Variants in KDM3A observed in about 807,000 individuals in gnomAD.
The protein encoded by KDM3A is lysine demethylase 3A.
KDM3A carries 60 observed loss-of-function variants against 158.0 expected under a neutral mutation model. The ratio of observed to expected loss-of-function variants is 0.38; its 90% CI spans 0.31 to 0.47. The LOEUF (loss-of-function observed/expected upper bound fraction) is 0.47, where lower values mean the gene tolerates loss of function less well. KDM3A is among the 20% of genes least tolerant of loss of function. The probability of loss-of-function intolerance (pLI) is 0.99; values close to 1 mark genes in which losing one functional copy is unlikely to be tolerated. For synonymous variants in KDM3A, 608 were observed against 549.3 expected, an observed-to-expected ratio of 1.11 and a Z score of -1.49; for missense variants, 1,319 against 1,574.3, an observed-to-expected ratio of 0.84 and a Z score of 2.74.
At chr2:86,471,191 A>G (rs763910219) in intron 11 of KDM3A, among the ~76,000 whole-genome samples, 6 of 151,700 alleles carry the variant, frequency 4.0e-5, no homozygotes, top group Admixed American at 3.3e-4. Flanking sequence ...ATCTTTTCCA[A>G]TTTTATAGGC....
intron 4 of KDM3A, among the ~76,000 whole-genome samples, chr2:86,452,070 T>G (rs1672494989): frequency 6.6e-6 from 1 of 152,168 alleles, no homozygotes; most frequent in Non-Finnish European, 1.5e-5. Flanking sequence ...CTGCAAATAA[T>G]TTGAGTTGCA....
chr2:86,450,552 G>A (rs959113895), intron 3 of KDM3A, among the ~76,000 whole-genome samples: 1 of 152,184 alleles, frequency 6.6e-6, no homozygotes, highest in African/African-American at 2.4e-5. Context: ...AGAAGAGTGA[G>A]CGCTGTCTGG....
intron 4 of KDM3A, 134 bp downstream of exon 4, chr2:86,451,347 A>G: frequency 3.8e-6 from 2 of 528,504 alleles, no homozygotes; most frequent in Non-Finnish European, 3.3e-6. Flanking sequence ...AAACATCTAC[A>G]TATAACTTTG....
intron 15 of KDM3A, chr2:86,479,378 A>C (rs1315179493): frequency 1.3e-5 from 2 of 152,140 alleles, no homozygotes; most frequent in Admixed American, 1.3e-4. Context: ...GGAGAGCAGA[A>C]GACTTGTAAT....
chr2:86,438,193 T>A (rs1433134123), upstream of KDM3A, among the ~76,000 whole-genome samples: 1 of 152,164 alleles, frequency 6.6e-6, no homozygotes, highest in Non-Finnish European at 1.5e-5. Context: ...GAAAATGAAG[T>A]ATATAAAATT....
intron 5 of KDM3A, among the ~76,000 whole-genome samples, chr2:86,455,953 CAAAAAAAA>C (rs574299612): frequency 1.8e-5 from 1 of 56,194 alleles, no homozygotes; most frequent in East Asian, 4.9e-4. Flanking sequence ...GACCCTGTCT[CAAAAAAAA>C]AAAAAAAAAA....
chr2:86,489,990 C>T (rs1674379243), intron 23 of KDM3A: 1 of 196,444 alleles, frequency 5.1e-6, no homozygotes, highest in African/African-American at 2.3e-5. Flanking sequence ...CCTTGAGAAT[C>T]TGAGCACTTC....
chr2:86,463,033 A>G (rs1030048617), intron 8 of KDM3A, among the ~76,000 whole-genome samples: 10 of 152,262 alleles, frequency 6.6e-5, no homozygotes, highest in Middle Eastern at 3.4e-3. Context: ...AGAGGTTGCA[A>G]TGAACCAAGA....
chr2:86,454,666 C>T (rs1184402463), intron 4 of KDM3A, among the ~76,000 whole-genome samples: 2 of 151,782 alleles, frequency 1.3e-5, no homozygotes, highest in Non-Finnish European at 2.9e-5. Context: ...ATACATCTGT[C>T]TCTTGTGTGT....
chr2:86,439,255 A>C (rs1682553045), upstream of KDM3A, among the ~76,000 whole-genome samples: 1 of 151,962 alleles, frequency 6.6e-6, no homozygotes, highest in Admixed American at 6.5e-5. Flanking sequence ...TTAACCTGTC[A>C]TGGTGAATTT....
intron 18 of KDM3A, 67 bp from the exon 19 acceptor site, chr2:86,483,920 G>C (rs1674058632): frequency 7.9e-7 from 1 of 1,271,078 alleles, no homozygotes; most frequent in Non-Finnish European, 1.1e-6. Flanking sequence ...TGTGAAGAGG[G>C]ACTGCCTTCG....
chr2:86,485,950 C>A (rs1674155996), intron 21 of KDM3A, 91 bp downstream of exon 21: 7 of 1,368,586 alleles, frequency 5.1e-6, no homozygotes, highest in Non-Finnish European at 6.1e-6. Flanking sequence ...GTGGAAAACA[C>A]CCATAATCCT....
At chr2:86,437,886 C>G (rs149256335), upstream of KDM3A, among the ~76,000 whole-genome samples, 459 of 152,062 alleles carry the variant, frequency 3.0e-3, 3 homozygotes, top group Middle Eastern at 0.02. Context: ...TGTTTTAATT[C>G]TAATAATTTG....
At chr2:86,442,384 G>A in intron 2 of KDM3A, 151 bp downstream of exon 2, 1 of 746,084 alleles carries the variant, frequency 1.3e-6, no homozygotes. Flanking sequence ...GAAAGTCTTT[G>A]GAATGGTTGT....
chr2:86,478,860 G>A (rs1673790034), intron 15 of KDM3A, 125 bp downstream of exon 15: 2 of 872,766 alleles, frequency 2.3e-6, no homozygotes, highest in East Asian at 5.0e-5. Flanking sequence ...AGTGGAAAGA[G>A]AGAGAGAAAG....
Position 86,456,540 on chromosome 2 carries a change from A to G in KDM3A, c.655A>G (p.Lys219Glu), listed in dbSNP as rs762425283. ...ATVINGNPAS[K>E]TLQVNCEEIP... ...CGTTATAAATGGAAACCCAGCATCA[A>G]AAACTCTTCAAGTCAACTGTGAGGA... Residue 219 changes from lysine (K) to glutamate (E), a missense_variant, in exon 6 of 26, where the codon AAA becomes GAA. By Grantham distance (56) the Lys-to-Glu change is moderately conservative. This residue lies in a region of KDM3A where 652 missense variants were observed against 627.2 expected (regional missense o/e 1.04). Coordinates refer to ENST00000312912, the MANE Select transcript of KDM3A (RefSeq NM_018433.6). The G allele has an allele frequency of 1.9e-6, 3 of 1,610,222 alleles. No homozygotes were observed. Among genetic ancestry groups the G allele is most frequent in the Non-Finnish European group, 2.5e-6 (3 of 1,178,310 alleles).
At chr2:86,441,771 C>T (rs1018848762) in intron 1 of KDM3A, among the ~76,000 whole-genome samples, 7 of 150,034 alleles carry the variant, frequency 4.7e-5, no homozygotes, top group Non-Finnish European at 8.9e-5. Flanking sequence ...ACTCCCTCTG[C>T]GGTTGCGTTT....
intron 4 of KDM3A, 30 bp from the exon 5 acceptor site, chr2:86,455,049 GTTACCC>G: frequency 1.6e-6 from 2 of 1,223,754 alleles, no homozygotes; most frequent in Non-Finnish European, 1.2e-6. Context: ...CTTATTAACT[GTTACCC>G]TTAACATGTA....
At chr2:86,477,756 G>A in intron 12 of KDM3A, 121 bp from the exon 13 acceptor site, 2 of 908,336 alleles carry the variant, frequency 2.2e-6, no homozygotes, top group East Asian at 2.5e-5. Flanking sequence ...TTGCAATGAA[G>A]CCTGAACAAA....
Sources: gnomAD v4.1 joint callset for allele counts (sites outside exome capture counted in the v4.1 genomes callset) on GRCh38, gnomAD v4.1.1 for gene constraint, gnomAD v4.1.1 regional missense constraint, MANE v1.5 for transcripts, NCBI Gene and HGNC (gene_info 2026-07-23, HGNC 2026-07-21) for gene names.